TBC1D32: variants seen among roughly 807,000 people sequenced by gnomAD.
The protein encoded by TBC1D32 is protein broad-minded.
Under a neutral mutation model 170.3 loss-of-function variants are expected in TBC1D32, and 151 were observed. That is an observed-to-expected ratio of 0.89 (90% CI 0.78 to 1.01). The LOEUF is 1.01. Among genes scored for constraint, TBC1D32 ranks in the 50% least tolerant of loss-of-function variants. TBC1D32 has a pLI of 0.00. For missense variants in TBC1D32, 1,464 were observed against 1,457.1 expected, an observed-to-expected ratio of 1.00 and a Z score of -0.08; for synonymous variants, 498 against 488.0, an observed-to-expected ratio of 1.02 and a Z score of -0.27.
intron 3 of TBC1D32, among the ~76,000 whole-genome samples, chr6:121,314,752 A>T (rs1255525038): frequency 6.6e-6 from 1 of 152,196 alleles, no homozygotes; most frequent in Non-Finnish European, 1.5e-5. Flanking sequence ...GTAATCCTCT[A>T]ATTTCCCAAG....
At chr6:121,152,143 T>C (rs768288773) in intron 24 of TBC1D32, among the ~76,000 whole-genome samples, 15 of 152,282 alleles carry the variant, frequency 9.9e-5, no homozygotes, top group South Asian at 2.1e-4. Context: ...CTGGTACTGG[T>C]TTTTCCTTTC....
intron 22 of TBC1D32, among the ~76,000 whole-genome samples, chr6:121,180,062 C>A (rs1474339843): frequency 6.6e-6 from 1 of 152,034 alleles, no homozygotes; most frequent in African/African-American, 2.4e-5. Context: ...ACATAGAAAA[C>A]TACAAAATTT....
chr6:121,308,758 C>G (rs532160236), intron 4 of TBC1D32, among the ~76,000 whole-genome samples: 1,367 of 130,758 alleles, frequency 0.01, 10 homozygotes, highest in Middle Eastern at 0.061. Flanking sequence ...TGCAGTGGCG[C>G]AATCTCGGCT....
At chr6:121,308,614 T>A (rs1417838814) in intron 4 of TBC1D32, among the ~76,000 whole-genome samples, 3 of 150,290 alleles carry the variant, frequency 2.0e-5, no homozygotes, top group Non-Finnish European at 4.4e-5. Flanking sequence ...ACTACTTAGG[T>A]AGAAAAAAAA....
chr6:121,185,603 A>T (rs2128279492), intron 22 of TBC1D32, among the ~76,000 whole-genome samples: 1 of 152,212 alleles, frequency 6.6e-6, no homozygotes, highest in East Asian at 1.9e-4. Flanking sequence ...AGAAGATAGT[A>T]AATAACCCTG....
chr6:121,095,264 C>T (rs142047374), intron 30 of TBC1D32, among the ~76,000 whole-genome samples: 1 of 152,134 alleles, frequency 6.6e-6, no homozygotes, highest in African/African-American at 2.4e-5. Context: ...TTGAACCATA[C>T]TTAACATTAT....
At chr6:121,290,315 C>T (rs143784719) in intron 12 of TBC1D32, among the ~76,000 whole-genome samples, 4,993 of 152,160 alleles carry the variant, frequency 0.033, 191 homozygotes, top group East Asian at 0.12. Flanking sequence ...AAAAAACAAA[C>T]AACCCCATCA....
intron 15 of TBC1D32, among the ~76,000 whole-genome samples, chr6:121,261,985 T>C (rs1300246149): frequency 1.3e-5 from 2 of 151,902 alleles, no homozygotes; most frequent in Non-Finnish European, 2.9e-5. Context: ...ACTCTGTGAA[T>C]CATACACAAG....
At chr6:121,153,819 T>C (rs1010600452) in intron 24 of TBC1D32, among the ~76,000 whole-genome samples, 5 of 151,918 alleles carry the variant, frequency 3.3e-5, no homozygotes, top group African/African-American at 1.2e-4. Context: ...ACTCAAGCCT[T>C]AATAAGGTGG....
chr6:121,213,463 TAATAATAA>T (rs1459120147), intron 21 of TBC1D32, among the ~76,000 whole-genome samples: 3,614 of 21,780 alleles, frequency 0.17, 353 homozygotes, highest in Non-Finnish European at 0.18. Context: ...GCCACAAAAA[TAATAATAA>T]AATAAAATAA....
intron 27 of TBC1D32, 30 bp from the exon 28 acceptor site, chr6:121,113,207 A>T: frequency 2.8e-6 from 4 of 1,435,006 alleles, no homozygotes; most frequent in Non-Finnish European, 3.9e-6. Flanking sequence ...AACATAAAAC[A>T]TATCAGGTCT....
chr6:121,273,799 T>G (rs902698248), intron 15 of TBC1D32, among the ~76,000 whole-genome samples: 2 of 152,232 alleles, frequency 1.3e-5, no homozygotes, highest in Non-Finnish European at 2.9e-5. Context: ...ACTGGCCAAT[T>G]AAAGGGGGCC....
chr6:121,084,292 A>C (rs571720854), intron 31 of TBC1D32, among the ~76,000 whole-genome samples: 1 of 152,262 alleles, frequency 6.6e-6, no homozygotes, highest in Non-Finnish European at 1.5e-5. Flanking sequence ...TTCCACAATA[A>C]ATAGGTTAAT....
chr6:121,242,336 CATACTGAA>C lies in TBC1D32; in HGVS notation c.2019-5_2021del. ...CATCTAACAAATTATCTTCCCAAGC[CATACTGAA>C]ATAGGTAAAAGAAAGGTAGAGCTTT... On this transcript the variant is annotated splice_acceptor_variant and splice_polypyrimidine_tract_variant and coding_sequence_variant and intron_variant, in exon 18 of 32. Coordinates refer to ENST00000398212, the MANE Select transcript of TBC1D32 (RefSeq NM_152730.6). LOFTEE classifies it high-confidence loss of function. 1 of 1,611,764 alleles carries C rather than the reference CATACTGAA, an allele frequency of 6.2e-7. No individual in the cohort carries two copies. The highest frequency in any genetic ancestry group is 8.5e-7 in the Non-Finnish European group (1 of 1,179,090).
intron 31 of TBC1D32, among the ~76,000 whole-genome samples, chr6:121,082,915 A>G (rs1562415785): frequency 6.6e-6 from 1 of 152,012 alleles, no homozygotes; most frequent in South Asian, 2.1e-4. Context: ...TTTAAAAAGG[A>G]GTGTTTTCAA....
At chr6:121,316,352 G>A (rs1163007126) in intron 3 of TBC1D32, among the ~76,000 whole-genome samples, 1 of 152,094 alleles carries the variant, frequency 6.6e-6, no homozygotes, top group Non-Finnish European at 1.5e-5. Flanking sequence ...AGCCCCCAGA[G>A]TCATAAAATT....
intron 20 of TBC1D32, among the ~76,000 whole-genome samples, chr6:121,229,663 G>A (rs543897421): frequency 6.6e-6 from 1 of 152,204 alleles, no homozygotes; most frequent in African/African-American, 2.4e-5. Context: ...GACTGCAAAT[G>A]ATGACGTTCT....
chr6:121,327,297 T>C (rs1810581351), intron 1 of TBC1D32, among the ~76,000 whole-genome samples: 1 of 152,176 alleles, frequency 6.6e-6, no homozygotes, highest in Non-Finnish European at 1.5e-5. Flanking sequence ...ATTATTGCAA[T>C]GGAGCTGGGA....
intron 4 of TBC1D32, among the ~76,000 whole-genome samples, chr6:121,308,971 A>G (rs1807766399): frequency 6.6e-6 from 1 of 152,138 alleles, no homozygotes; most frequent in African/African-American, 2.4e-5. Flanking sequence ...TCATTTCCCA[A>G]CTGAAACAAC....
Sources: gnomAD v4.1 joint callset for allele counts (sites outside exome capture counted in the v4.1 genomes callset) on GRCh38, gnomAD v4.1.1 for gene constraint, MANE v1.5 for transcripts, NCBI Gene and HGNC (gene_info 2026-07-23, HGNC 2026-07-21) for gene names.